Variants in AUTS2 observed in about 807,000 individuals in gnomAD.
AUTS2 encodes autism susceptibility gene 2 protein.
Under a neutral mutation model 112.4 loss-of-function variants are expected in AUTS2, and 17 were observed. That is an observed-to-expected ratio of 0.15 (90% CI 0.10 to 0.23). The LOEUF (loss-of-function observed/expected upper bound fraction) is 0.23, where lower values mean the gene tolerates loss of function less well. AUTS2 is among the 10% of genes least tolerant of loss of function. The pLI is 1.00. For synonymous variants in AUTS2, 751 were observed against 702.7 expected (o/e 1.07, Z -1.09); for missense variants, 1,510 against 1,701.6 (o/e 0.89, Z 1.98).
intron 5 of AUTS2, among the ~76,000 whole-genome samples, chr7:70,555,502 C>A (rs1346536894): frequency 1.3e-5 from 2 of 152,098 alleles, no homozygotes; most frequent in Non-Finnish European, 2.9e-5. Context: ...TCCAGAGTTA[C>A]CTCCTTGGAC....
chr7:69,785,987 C>A (rs746051677), intron 1 of AUTS2, among the ~76,000 whole-genome samples: 1 of 152,116 alleles, frequency 6.6e-6, no homozygotes, highest in African/African-American at 2.4e-5. Flanking sequence ...CCCGCCACCA[C>A]GCCCAGCTAA....
intron 4 of AUTS2, among the ~76,000 whole-genome samples, chr7:70,284,241 C>A (rs1788356224): frequency 6.6e-6 from 1 of 152,188 alleles, no homozygotes; most frequent in African/African-American, 2.4e-5. Context: ...CATATTATAT[C>A]ATTGTATAGT....
At position 70,546,350 on chromosome 7, in the gene AUTS2, A is replaced by G. The variant is rs959659952; in HGVS notation, c.690+110569A>G. Among the ~76,000 whole-genome samples the G allele has an allele frequency of 5.3e-5, 8 of 152,328 alleles. No homozygotes were observed. The East Asian group carries it at 1.4e-3, about 26-fold the overall frequency. ...TCCCAGCTACTTGGGAAGTTGAGGC[A>G]GGAGAATCGCTTGAACCCGGGAGGT... On this transcript the variant is annotated intron_variant, in intron 5 of 18. Transcript: ENST00000342771.
chr7:70,778,792 T>TAAC (rs907248949), intron 14 of AUTS2, among the ~76,000 whole-genome samples: 5 of 152,220 alleles, frequency 3.3e-5, no homozygotes, highest in African/African-American at 1.2e-4. Context: ...TTTGAAGAGC[T>TAAC]AACTAGATTT....
chr7:69,606,803 G>A (rs1483915129), intron 1 of AUTS2, among the ~76,000 whole-genome samples: 1 of 152,074 alleles, frequency 6.6e-6, no homozygotes, highest in Non-Finnish European at 1.5e-5. Context: ...AGTGAGCTGG[G>A]GCAGAACTGT....
At chr7:70,700,686 C>A (rs776268325) in intron 6 of AUTS2, among the ~76,000 whole-genome samples, 4 of 152,080 alleles carry the variant, frequency 2.6e-5, no homozygotes, top group Non-Finnish European at 5.9e-5. Context: ...AAAACAACTT[C>A]AAAAAGGGAT....
intron 1 of AUTS2, among the ~76,000 whole-genome samples, chr7:69,876,584 C>G (rs1300412553): frequency 2.5e-5 from 3 of 117,656 alleles, no homozygotes; most frequent in African/African-American, 1.0e-4. Context: ...TGAGAGCTAC[C>G]AAGGACCAGA....
intron 2 of AUTS2, among the ~76,000 whole-genome samples, chr7:70,017,719 G>A (rs927572068): frequency 2.6e-5 from 4 of 152,044 alleles, no homozygotes; most frequent in African/African-American, 7.2e-5. Context: ...CCATCACTGC[G>A]AAATGCTCAC....
intron 1 of AUTS2, among the ~76,000 whole-genome samples, chr7:69,756,425 T>C (rs1787947097): frequency 6.6e-6 from 1 of 152,136 alleles, no homozygotes; most frequent in African/African-American, 2.4e-5. Flanking sequence ...CTGAAGTCAA[T>C]AGAAGGAAAT....
intron 5 of AUTS2, among the ~76,000 whole-genome samples, chr7:70,593,391 T>G (rs1002543748): frequency 6.6e-6 from 1 of 152,198 alleles, no homozygotes; most frequent in Non-Finnish European, 1.5e-5. Context: ...TGTGATTTCA[T>G]GCTCTGCACA....
chr7:70,611,030 C>T (rs938691190), intron 5 of AUTS2, among the ~76,000 whole-genome samples: 7 of 152,268 alleles, frequency 4.6e-5, no homozygotes, highest in African/African-American at 7.2e-5. Context: ...GGATCATATA[C>T]GAAACATCTT....
chr7:70,607,842 G>A (rs553779278), intron 5 of AUTS2, among the ~76,000 whole-genome samples: 9 of 152,282 alleles, frequency 5.9e-5, no homozygotes, highest in African/African-American at 2.2e-4. Flanking sequence ...AATTGTAGAA[G>A]GTCTTCTACT....
chr7:69,838,039 AG>A (rs1791803516), intron 1 of AUTS2, among the ~76,000 whole-genome samples: 1 of 152,150 alleles, frequency 6.6e-6, no homozygotes, highest in African/African-American at 2.4e-5. Context: ...ATGGGATTGT[AG>A]CTGGTCTACT....
chr7:70,790,616 C>G lies in AUTS2; in HGVS notation c.3400C>G (p.Pro1134Ala). ...YSHHHHHHHH[P>A]LSVDPRREHE... is the part of the protein sequence containing the mutation. ...CCACCACCACCACCACCACCACCAC[C>G]CGCTGTCTGTGGACCCTCGGCGGGA... The change falls in exon 19 of 19, where the codon CCG becomes GCG. Residue 1134 changes from proline to alanine, a missense_variant. By Grantham distance (27) the Pro-to-Ala change is conservative. Transcript: ENST00000342771. The surrounding 1 kb of genome is among the most constrained non-coding windows in gnomAD (Gnocchi z 7.6). 1 of 1,610,126 alleles carries G rather than the reference C, an allele frequency of 6.2e-7. No individual in the cohort carries two copies. The highest frequency in any genetic ancestry group is 1.1e-5 in the South Asian group (1 of 90,600).
chr7:69,615,823 C>T (rs1295282881), intron 1 of AUTS2, among the ~76,000 whole-genome samples: 1 of 152,194 alleles, frequency 6.6e-6, no homozygotes, highest in Non-Finnish European at 1.5e-5. Flanking sequence ...TCATTACTTC[C>T]ATCTTCCAAG....
In AUTS2 at chr7:70,446,597, C is replaced by T. The variant is rs557669634; in HGVS notation, c.690+10816C>T. 2.0e-4 allele frequency among the ~76,000 whole-genome samples: 31 copies of T among 152,250 alleles called. No individual in the cohort carries two copies. The South Asian group carries it at 5.8e-3, about 29-fold the overall frequency. ...TAGTCGTACATCATTGCTGTCAGCT[C>T]GGGTTAGGAGGCAAGCACATTACAG... On this transcript the variant is annotated intron_variant, in intron 5 of 18. Transcript: ENST00000342771.
chr7:69,656,000 C>T (rs1379110778), intron 1 of AUTS2, among the ~76,000 whole-genome samples: 1 of 152,208 alleles, frequency 6.6e-6, no homozygotes, highest in Admixed American at 6.5e-5. Context: ...ATGTCATATG[C>T]TCATCGTTGT....
intron 2 of AUTS2, among the ~76,000 whole-genome samples, chr7:70,034,384 A>G (rs901565740): frequency 6.6e-6 from 1 of 152,184 alleles, no homozygotes; most frequent in African/African-American, 2.4e-5. Flanking sequence ...GAGCTGACAT[A>G]TACCTATTGC....
chr7:70,561,927 G>A (rs1032357475), intron 5 of AUTS2, among the ~76,000 whole-genome samples: 3 of 152,082 alleles, frequency 2.0e-5, no homozygotes, highest in African/African-American at 7.2e-5. Context: ...GGAGGTGTTT[G>A]GGTCACGGGG....
Sources: gnomAD v4.1 joint callset for allele counts (sites outside exome capture counted in the v4.1 genomes callset) on GRCh38, gnomAD v4.1.1 for gene constraint, Gnocchi (gnomAD v3.1) non-coding constraint, MANE v1.5 for transcripts, NCBI Gene and HGNC (gene_info 2026-07-23, HGNC 2026-07-21) for gene names.